Variants in ZNF555 observed in about 807,000 individuals in gnomAD.
ZNF555 encodes the protein zinc finger protein 555.
ZNF555 carries 10 observed loss-of-function variants against 14.0 expected under a neutral mutation model. The ratio of observed to expected loss-of-function variants is 0.72; its 90% confidence interval spans 0.44 to 1.21. ZNF555 has a LOEUF of 1.21. Ranked by LOEUF, ZNF555 falls within the 50% of genes most tolerant of loss-of-function variation. The pLI is 0.00. For missense variants in ZNF555, 747 were observed against 762.0 expected (o/e 0.98, Z 0.23); for synonymous variants, 277 against 262.4 (o/e 1.06, Z -0.54).
intron 1 of ZNF555, among the ~76,000 whole-genome samples, chr19:2,846,415 G>T (rs2087582748): frequency 6.6e-6 from 1 of 152,206 alleles, no homozygotes; most frequent in African/African-American, 2.4e-5. Context: ...GTCCTTCACT[G>T]TGGGCAACTG....
In ZNF555 at chr19:2,853,866, G is replaced by A. The variant is rs756357556; in HGVS notation, c.1801G>A (p.Ala601Thr). 6.2e-7 allele frequency: 1 copy of A among 1,614,072 alleles called. No homozygotes were observed. The highest frequency in any genetic ancestry group is 1.1e-5 in the South Asian group (1 of 91,090). The change falls in exon 4 of 4, where the codon GCA (alanine) becomes ACA (threonine). Residue 601 changes from alanine (A) to threonine (T), a missense_variant. Ala to Thr is a moderately conservative substitution (Grantham distance 58, BLOSUM62 0). Coordinates refer to ENST00000334241, the MANE Select transcript of ZNF555 (RefSeq NM_152791.5). ...TAAGTGTAATGTAGGACATCCTCCT[G>A]CAAATGAATTCATGTGCAGTGCTTC... The part of the protein sequence containing the change: ...QYKCNVGHPP[A>T]NEFMCSASEK...
chr19:2,852,546 A>G lies in ZNF555; in HGVS notation c.481A>G (p.Ser161Gly). The change falls in exon 4 of 4, where the codon AGT becomes GGT. Residue 161 changes from serine (S) to glycine (G), a missense_variant. Ser to Gly is a moderately conservative substitution (Grantham distance 56, BLOSUM62 0). Coordinates refer to ENST00000334241, the MANE Select transcript of ZNF555 (RefSeq NM_152791.5). ...CATGCATCGCCGCACATCCCTCAAG[A>G]GTCCCATCACAGTTCACACTGGACA... ...VFMHRRTSLK[S>G]PITVHTGHKP... 1 of 1,614,112 alleles carries G rather than the reference A, an allele frequency of 6.2e-7. No individual in the cohort carries two copies. The highest frequency in any genetic ancestry group is 8.5e-7 in the Non-Finnish European group (1 of 1,180,038).
rs546822074 is a variant in ZNF555 at position 2,857,628 on chromosome 19, C to G, written c.*3676C>G. 2 of 152,120 alleles carry G rather than the reference C, an allele frequency of 1.3e-5. No individual in the cohort carries two copies. Among genetic ancestry groups the G allele is most frequent in the Non-Finnish European group, 2.9e-5 (2 of 68,018 alleles). 9.4% of individuals were successfully genotyped at this position (152,120 alleles called of 1,614,324 possible). A position where few individuals can be genotyped will look rare whatever the true frequency, so the allele number is the denominator to read the frequency against. On this transcript the variant is annotated 3_prime_UTR_variant, in exon 4 of 4. Transcript: ENST00000334241. ...ACTCATAAGGCTACTCTTAAAATAG[C>G]AAATTTTGTTGTATGTATATTTTAA...
At chr19:2,845,788 C>T (rs1345557540) in intron 1 of ZNF555, among the ~76,000 whole-genome samples, 1 of 150,670 alleles carries the variant, frequency 6.6e-6, no homozygotes, top group African/African-American at 2.5e-5. Flanking sequence ...CTGTAGTATT[C>T]TCTTCCTTCC....
chr19:2,851,496 G>A lies in ZNF555; in HGVS notation c.159G>A (p.Gly53=), dbSNP rs2144853592. 1 of 1,590,788 alleles carries A rather than the reference G, an allele frequency of 6.3e-7. No homozygotes were observed. Among genetic ancestry groups the A allele is most frequent in the Non-Finnish European group, 8.5e-7 (1 of 1,172,754 alleles). ...VDDETQFKAS[G]SVSQQDIYGE... ...ATGAAACTCAATTTAAGGCCAGTGGGTCAGTTTCTCAGCAGGATATTTATG... is the reference window on the plus strand; with the variant it reads ...ATGAAACTCAATTTAAGGCCAGTGGATCAGTTTCTCAGCAGGATATTTATG... The change falls in exon 3 of 4, where the codon GGG becomes GGA. Residue 53 remains glycine, a synonymous_variant. Coordinates refer to ENST00000334241, the MANE Select transcript of ZNF555 (RefSeq NM_152791.5).
intron 1 of ZNF555, among the ~76,000 whole-genome samples, chr19:2,845,802 G>A (rs959652174): frequency 7.5e-5 from 11 of 147,556 alleles, no homozygotes; most frequent in Non-Finnish European, 1.5e-4. Context: ...TCCTTCCCCC[G>A]TTACTATTTT....
chr19:2,847,354 G>GA (rs1481330266), intron 1 of ZNF555: 7 of 152,262 alleles, frequency 4.6e-5, no homozygotes, highest in African/African-American at 1.4e-4. Context: ...CCAGTCAGCG[G>GA]AGGGGGGAGG....
At position 2,858,388 on chromosome 19, in the gene ZNF555, A is replaced by G. The variant is rs150524171; in HGVS notation, c.*4436A>G. The G allele has an allele frequency of 6.6e-5, 10 of 152,354 alleles. No homozygotes were observed. The highest frequency in any genetic ancestry group is 2.4e-4 in the African/African-American group (10 of 41,564). The allele number at this position is 152,354 out of a possible 1,614,324, so 9.4% of individuals were successfully genotyped here. On this transcript the variant is annotated 3_prime_UTR_variant, in exon 4 of 4. Coordinates refer to ENST00000334241, the MANE Select transcript of ZNF555 (RefSeq NM_152791.5). ...TTCCAGAATCTGTCTTTGAGTTTAC[A>G]CCAGGTTCTTCCCATCTGATCTTTG...
At chr19:2,841,799 G>C (rs1212707068) in intron 1 of ZNF555, among the ~76,000 whole-genome samples, 1 of 151,590 alleles carries the variant, frequency 6.6e-6, no homozygotes, top group East Asian at 1.9e-4. Context: ...TGGCCCCAAG[G>C]CTGCAGAGCG....
At position 2,853,855 on chromosome 19, in the gene ZNF555, G is replaced by A. The variant is rs2087661144; in HGVS notation, c.1790G>A (p.Gly597Glu). ...GAAAAACAGTATAAGTGTAATGTAGGACATCCTCCTGCAAATGAATTCATG... is the reference window on the plus strand; with the variant it reads ...GAAAAACAGTATAAGTGTAATGTAGAACATCCTCCTGCAAATGAATTCATG... The part of the protein sequence containing the change: ...TTEKQYKCNV[G>E]HPPANEFMCS... Residue 597 changes from glycine to glutamate, a missense_variant, in exon 4 of 4, where the codon GGA becomes GAA. By Grantham distance (98) the Gly-to-Glu change is moderately conservative (BLOSUM62 -2). Coordinates refer to ENST00000334241, the MANE Select transcript of ZNF555 (RefSeq NM_152791.5). The A allele has an allele frequency of 6.2e-7, 1 of 1,614,028 alleles. No homozygotes were observed. Among genetic ancestry groups the A allele is most frequent in the Non-Finnish European group, 8.5e-7 (1 of 1,180,014 alleles).
intron 1 of ZNF555, among the ~76,000 whole-genome samples, chr19:2,842,498 C>T (rs565350896): frequency 1.3e-5 from 2 of 152,272 alleles, no homozygotes; most frequent in South Asian, 2.1e-4. Context: ...GCTAAAACCA[C>T]GGAAATATAT....
In ZNF555 at chr19:2,859,458, A is replaced by G. The variant is rs1056873042; in HGVS notation, c.*5506A>G. On this transcript the variant is annotated 3_prime_UTR_variant, in exon 4 of 4. Coordinates refer to ENST00000334241, the MANE Select transcript of ZNF555 (RefSeq NM_152791.5). ...GATGGTCCGAGGGACCTTCCACAGC[A>G]AGTAGAAGGCACTGCTGTGAATATG... 2.0e-5 allele frequency: 3 copies of G among 152,118 alleles called. No homozygotes were observed. Among genetic ancestry groups the G allele is most frequent in the African/African-American group, 7.2e-5 (3 of 41,410 alleles). The allele number at this position is 152,118 out of a possible 1,614,324, so 9.4% of individuals were successfully genotyped here.
Position 2,852,386 on chromosome 19 carries a change from T to C in ZNF555, c.321T>C (p.Asn107=). ...ACATGCTTCTCATTTTTAGTAGAAA[T>C]CATGGGTTGGAGAGACTCTGTGAAA... is the stretch of plus-strand genomic sequence containing the variant. The part of the protein sequence containing the change: ...TTNQGRNLSR[N]HGLERLCESN... Residue 107 remains asparagine, a synonymous_variant, in exon 4 of 4, where the codon AAT becomes AAC. Transcript: ENST00000334241. 6.2e-7 allele frequency: 1 copy of C among 1,614,026 alleles called. No individual in the cohort carries two copies. The highest frequency in any genetic ancestry group is 8.5e-7 in the Non-Finnish European group (1 of 1,180,012).
chr19:2,852,361 A>G lies in ZNF555; in HGVS notation c.315-19A>G, dbSNP rs199876119. On this transcript the variant is annotated intron_variant, in intron 3 of 3. Coordinates refer to ENST00000334241, the MANE Select transcript of ZNF555 (RefSeq NM_152791.5). ...CAAATCATTATTAATCAAACCAATA[A>G]CATGCTTCTCATTTTTAGTAGAAAT... is the stretch of plus-strand genomic sequence containing the variant. 462 of 1,613,404 alleles carry G rather than the reference A, an allele frequency of 2.9e-4. 1 individual carries two copies. The highest frequency in any genetic ancestry group is 2.1e-3 in the Middle Eastern group (13 of 6,062).
At chr19:2,849,168 G>T (rs908359731) in intron 1 of ZNF555, among the ~76,000 whole-genome samples, 1 of 152,002 alleles carries the variant, frequency 6.6e-6, no homozygotes, top group Admixed American at 6.6e-5. Flanking sequence ...ACAGTATTTT[G>T]TCTGTCTCCT....
In ZNF555 at chr19:2,841,500, C is replaced by G. The variant is rs2087534957; in HGVS notation, c.-73C>G. On this transcript the variant is annotated 5_prime_UTR_variant, in exon 1 of 4. Coordinates refer to ENST00000334241, the MANE Select transcript of ZNF555 (RefSeq NM_152791.5). ...GTCCTAGCCGTGAGTGCCCCGCCTG[C>G]CCCTAGCGGTCCCTGGCGTCCCGGT... is the stretch of plus-strand genomic sequence containing the variant. 6.5e-7 allele frequency: 1 copy of G among 1,543,772 alleles called. No individual in the cohort carries two copies. The highest frequency in any genetic ancestry group is 8.7e-7 in the Non-Finnish European group (1 of 1,143,490).
intron 1 of ZNF555, among the ~76,000 whole-genome samples, chr19:2,845,821 A>T (rs1275887256): frequency 6.6e-6 from 1 of 151,988 alleles, no homozygotes; most frequent in East Asian, 1.9e-4. Context: ...TTTTTACTGG[A>T]GAGAGGCACC....
At position 2,852,560 on chromosome 19, in the gene ZNF555, T is replaced by G; in HGVS notation, c.495T>G (p.Val165=). 8.7e-6 allele frequency: 14 copies of G among 1,614,086 alleles called. No individual in the cohort carries two copies. The highest frequency in any genetic ancestry group is 1.2e-5 in the Non-Finnish European group (14 of 1,180,024). The change falls in exon 4 of 4, where the codon GTT becomes GTG. Residue 165 remains valine, a synonymous_variant. Coordinates refer to ENST00000334241, the MANE Select transcript of ZNF555 (RefSeq NM_152791.5). ...CATCCCTCAAGAGTCCCATCACAGT[T>G]CACACTGGACACAAACCATATCAGT... The part of the protein sequence containing the change: ...RRTSLKSPIT[V]HTGHKPYQCQ...
Position 2,850,448 on chromosome 19 carries a change from G to A in ZNF555, c.4-139G>A, listed in dbSNP as rs984978840. The A allele has an allele frequency of 7.6e-6, 9 of 1,191,538 alleles. No individual in the cohort carries two copies. In the African/African-American group the frequency reaches 1.1e-4, roughly 14 times the overall value. The allele number at this position is 1,191,538 out of a possible 1,614,324, so 73.8% of individuals were successfully genotyped here. A position where few individuals can be genotyped will look rare whatever the true frequency, so the allele number is the denominator to read the frequency against. On this transcript the variant is annotated intron_variant, in intron 1 of 3. Transcript: ENST00000334241. ...ATGAGGAAGTGAGTGTAGACAGGAAGGAAGAGGTGTGACAACTGAGTCACA... is the reference window on the plus strand; with the variant it reads ...ATGAGGAAGTGAGTGTAGACAGGAAAGAAGAGGTGTGACAACTGAGTCACA...
Sources: gnomAD v4.1 joint callset for allele counts (sites outside exome capture counted in the v4.1 genomes callset) on GRCh38, gnomAD v4.1.1 for gene constraint, MANE v1.5 for transcripts, NCBI Gene and HGNC (gene_info 2026-07-23, HGNC 2026-07-21) for gene names.